Variants in TSHR observed in about 807,000 individuals in gnomAD.
TSHR encodes the protein thyroid stimulating hormone receptor.
Under a neutral mutation model 64.1 loss-of-function variants are expected in TSHR, and 51 were observed. The ratio of observed to expected loss-of-function variants is 0.80; its 90% CI spans 0.64 to 1.01. TSHR has a LOEUF of 1.01. Among genes scored for constraint, TSHR ranks in the 50% least tolerant of loss-of-function variants. The probability of loss-of-function intolerance (pLI) is 0.00; values close to 1 mark genes in which losing one functional copy is unlikely to be tolerated. For synonymous variants in TSHR, 361 were observed against 361.9 expected (o/e 1.00, Z 0.03); for missense variants, 877 against 942.8 (o/e 0.93, Z 0.91).
At chr14:81,122,937 C>A (rs1188240440) in intron 8 of TSHR, among the ~76,000 whole-genome samples, 1 of 152,112 alleles carries the variant, frequency 6.6e-6, no homozygotes, top group Non-Finnish European at 1.5e-5. Flanking sequence ...ACCAGCCTGG[C>A]CTACATGGTG....
At chr14:81,029,012 A>G (rs1018553742) in intron 1 of TSHR, among the ~76,000 whole-genome samples, 1 of 151,718 alleles carries the variant, frequency 6.6e-6, no homozygotes, top group Admixed American at 6.6e-5. Flanking sequence ...AAATATATTA[A>G]CTTTATGTCT....
At chr14:81,031,361 TAAA>T (rs1359371777) in intron 1 of TSHR, among the ~76,000 whole-genome samples, 2 of 152,116 alleles carry the variant, frequency 1.3e-5, no homozygotes, top group Non-Finnish European at 2.9e-5. Context: ...TATATTTTGA[TAAA>T]GAAGTTTATG....
At position 81,090,779 on chromosome 14, in the gene TSHR, T is replaced by C. The variant is rs142714804; in HGVS notation, c.393-290T>C. On this transcript the variant is annotated intron_variant, in intron 4 of 9. Transcript: ENST00000298171. Reference sequence around the variant, plus strand: ...CACACACACACGAAAACTGAATTTATATTTCTAGTAAACCCACTTGGTTAA... The same window carrying C: ...CACACACACACGAAAACTGAATTTACATTTCTAGTAAACCCACTTGGTTAA... Among the ~76,000 whole-genome samples, 267 of 152,298 alleles carry C rather than the reference T, an allele frequency of 1.8e-3. 1 individual carries two copies. The highest frequency in any genetic ancestry group is 0.014 in the Middle Eastern group (4 of 294).
chr14:81,109,332 C>T (rs1201686055), intron 8 of TSHR, among the ~76,000 whole-genome samples: 1 of 151,970 alleles, frequency 6.6e-6, no homozygotes, highest in Non-Finnish European at 1.5e-5. Context: ...TGGCATGAAC[C>T]CAGGAGGAGG....
intron 7 of TSHR, chr14:81,102,748 G>A: frequency 1.0e-6 from 1 of 979,704 alleles, no homozygotes. Context: ...GAGGGTCATA[G>A]TTTGTAGACC....
chr14:81,008,328 A>G (rs1482256618), intron 1 of TSHR, among the ~76,000 whole-genome samples: 3 of 151,488 alleles, frequency 2.0e-5, no homozygotes, highest in South Asian at 2.1e-4. Flanking sequence ...GCCCCCCACC[A>G]CGCCCGGCTA....
intron 1 of TSHR, among the ~76,000 whole-genome samples, chr14:81,007,806 A>G (rs556709787): frequency 6.6e-6 from 1 of 152,342 alleles, no homozygotes; most frequent in East Asian, 1.9e-4. Flanking sequence ...GTCCTGATTG[A>G]AAAGGAAATC....
chr14:81,039,563 TA>T (rs567081782), intron 1 of TSHR, among the ~76,000 whole-genome samples: 6 of 151,822 alleles, frequency 4.0e-5, no homozygotes, highest in South Asian at 2.1e-4. Context: ...TTTTATATAT[TA>T]AAAAAACCCT....
At chr14:81,032,655 G>C in intron 1 of TSHR, 1 of 416,452 alleles carries the variant, frequency 2.4e-6, no homozygotes, top group South Asian at 2.1e-5. Context: ...AAGATAGAGA[G>C]TTGTCGAAGG....
At position 81,143,329 on chromosome 14, in the gene TSHR, T is replaced by C. The variant is rs773219492; in HGVS notation, c.1271T>C (p.Val424Ala). Residue 424 changes from valine to alanine, a missense_variant, in exon 10 of 10, where the codon GTT becomes GCT. By Grantham distance (64) the Val-to-Ala change is moderately conservative. Transcript: ENST00000298171. ...TTCCTGAGAATTGTGGTGTGGTTCG[T>C]TAGTCTGCTGGCTCTCCTGGGCAAT... Reference protein sequence around the residue: ...YKFLRIVVWFVSLLALLGNVF... With the variant: ...YKFLRIVVWFASLLALLGNVF... The C allele has an allele frequency of 1.2e-6, 2 of 1,614,174 alleles. No homozygotes were observed. The highest frequency in any genetic ancestry group is 3.3e-5 in the Admixed American group (2 of 60,022).
At chr14:81,125,865 G>A (rs1891001273) in intron 8 of TSHR, among the ~76,000 whole-genome samples, 1 of 151,688 alleles carries the variant, frequency 6.6e-6, no homozygotes. Context: ...TCCCTCCTAA[G>A]TCACACGCTC....
Position 81,103,011 on chromosome 14 carries a change from A to C in TSHR, c.615-5364A>C. On this transcript the variant is annotated intron_variant, in intron 7 of 9. Coordinates refer to ENST00000298171, the MANE Select transcript of TSHR (RefSeq NM_000369.5). This position sits in a 1 kb window ranked among gnomAD's most constrained non-coding sequence, Gnocchi z 4.1. The stretch of plus-strand genomic sequence containing the variant: ...TCCATCATTCTACCCTAAGTTTCTG[A>C]CTCCTAGTCAATAGAAATTTATTCT... 1 of 985,336 alleles carries C rather than the reference A, an allele frequency of 1.0e-6. No homozygotes were observed. Among genetic ancestry groups the C allele is most frequent in the South Asian group, 4.7e-5 (1 of 21,280 alleles). 61.0% of individuals were successfully genotyped at this position (985,336 alleles called of 1,614,324 possible).
intron 1 of TSHR, among the ~76,000 whole-genome samples, chr14:80,956,099 G>A (rs977848523): frequency 2.0e-5 from 3 of 152,214 alleles, no homozygotes; most frequent in African/African-American, 7.2e-5. Flanking sequence ...GGTGTACAAT[G>A]ACCGTGAGAG....
At chr14:81,027,036 CAA>C (rs1417772986) in intron 1 of TSHR, among the ~76,000 whole-genome samples, 20 of 76,452 alleles carry the variant, frequency 2.6e-4, no homozygotes, top group Admixed American at 6.6e-4. Context: ...AACTCCATCT[CAA>C]AAAAAAAAAA....
At chr14:81,038,722 T>C (rs530968451) in intron 1 of TSHR, among the ~76,000 whole-genome samples, 93 of 147,540 alleles carry the variant, frequency 6.3e-4, no homozygotes, top group Middle Eastern at 3.5e-3. Flanking sequence ...CCCTAGAACT[T>C]AAAGTATAAT....
chr14:81,033,559 T>TGC (rs201499884), intron 1 of TSHR, among the ~76,000 whole-genome samples: 1 of 114,066 alleles, frequency 8.8e-6, no homozygotes. Context: ...AAATCAGGGT[T>TGC]TTTTTTTTTT....
chr14:81,115,260 G>A lies in TSHR; in HGVS notation c.692+6808G>A, dbSNP rs973707290. ...CTACAGGAGGACATTCAAACCAAAG[G>A]CAAAGAAGTTGAAAACTTTGAAAAA... is the stretch of plus-strand genomic sequence containing the variant. On this transcript the variant is annotated intron_variant, in intron 8 of 9. Transcript: ENST00000298171. 3.8e-3 allele frequency among the ~76,000 whole-genome samples: 576 copies of A among 151,796 alleles called. 3 individuals are homozygous for A. Among genetic ancestry groups the A allele is most frequent in the African/African-American group, 0.014 (559 of 41,270 alleles).
chr14:81,087,873 A>G (rs1204994248), intron 3 of TSHR, 81 bp from the exon 4 acceptor site: 1 of 1,163,138 alleles, frequency 8.6e-7, no homozygotes, highest in Non-Finnish European at 1.3e-6. Context: ...ACGTTTGTTA[A>G]AACTGATTTA....
chr14:81,073,914 CA>C (rs1360438913), intron 3 of TSHR, among the ~76,000 whole-genome samples: 10 of 152,120 alleles, frequency 6.6e-5, no homozygotes, highest in Admixed American at 2.6e-4. Context: ...ATCCATTTAT[CA>C]AACCATTTTG....
Sources: allele counts gnomAD v4.1 joint callset (sites outside exome capture counted in the v4.1 genomes callset), GRCh38; gene constraint gnomAD v4.1.1; non-coding constraint Gnocchi (gnomAD v3.1); transcripts MANE v1.5; gene names NCBI Gene and HGNC (gene_info 2026-07-23, HGNC 2026-07-21).